The following SULF2 variants were observed in gnomAD, a reference collection of about 807,000 sequenced individuals.
SULF2 encodes extracellular sulfatase Sulf-2.
Under a neutral mutation model 107.7 loss-of-function variants are expected in SULF2, and 52 were observed. The observed-to-expected ratio is 0.48, with a 90% CI of 0.39 to 0.61. The LOEUF (loss-of-function observed/expected upper bound fraction) is 0.61, where lower values mean the gene tolerates loss of function less well. Ranked by LOEUF, SULF2 falls within the 20% of genes least tolerant of loss-of-function variation. The pLI, the probability that SULF2 is intolerant of heterozygous loss-of-function variation, is 0.00. For missense variants in SULF2, 993 were observed against 1,177.3 expected, an observed-to-expected ratio of 0.84 and a Z score of 2.29; for synonymous variants, 460 against 464.3, an observed-to-expected ratio of 0.99 and a Z score of 0.12.
At chr20:47,783,757 C>G (rs879432628) in intron 1 of SULF2, among the ~76,000 whole-genome samples, 2 of 152,154 alleles carry the variant, frequency 1.3e-5, no homozygotes, top group Admixed American at 1.3e-4. Flanking sequence ...AAGGAAGAGG[C>G]CTTCATGTAC....
intron 11 of SULF2, among the ~76,000 whole-genome samples, chr20:47,670,547 G>A (rs935071301): frequency 4.0e-5 from 6 of 148,752 alleles, no homozygotes; most frequent in Admixed American, 6.8e-5. Flanking sequence ...AACATTATGC[G>A]AAGAGAAATA....
intron 11 of SULF2, among the ~76,000 whole-genome samples, chr20:47,670,693 T>G (rs1602600486): frequency 3.0e-5 from 1 of 32,958 alleles, no homozygotes. Context: ...GAGAGCGGGG[T>G]GGGAGAACGG....
At chr20:47,677,344 G>C (rs2087678434) in intron 8 of SULF2, among the ~76,000 whole-genome samples, 1 of 152,002 alleles carries the variant, frequency 6.6e-6, no homozygotes, top group South Asian at 2.1e-4. Context: ...TGGGTCTGGA[G>C]ACACACACAG....
intron 4 of SULF2, among the ~76,000 whole-genome samples, chr20:47,696,891 T>G (rs1167718702): frequency 2.6e-5 from 4 of 152,194 alleles, no homozygotes; most frequent in Non-Finnish European, 5.9e-5. Flanking sequence ...ATTTCGTGTA[T>G]TGGTGGACTT....
In SULF2 at chr20:47,661,826, C is replaced by G. The variant is rs2087083986; in HGVS notation, c.2441G>C (p.Arg814Thr). 1 of 1,594,132 alleles carries G rather than the reference C, an allele frequency of 6.3e-7. No individual in the cohort carries two copies. The highest frequency in any genetic ancestry group is 8.6e-7 in the Non-Finnish European group (1 of 1,166,266). The stretch of plus-strand genomic sequence containing the variant: ...ACACTGCTTGTAACCCTTGCAGCTC[C>G]TCAGCTCCATGAGCTGTACGTGTAG... ...NQLHVQLMELRSCKGYKQCNP... is the reference protein window; with the variant it reads ...NQLHVQLMELTSCKGYKQCNP... Residue 814 changes from arginine (R) to threonine (T), a missense_variant, in exon 18 of 21, where the codon AGG becomes ACG. This residue lies in a region of SULF2 where 497 missense variants were observed against 544.1 expected (regional missense o/e 0.91). Transcript: ENST00000688720.
At chr20:47,682,796 C>T (rs1398361037) in intron 7 of SULF2, among the ~76,000 whole-genome samples, 198 bp downstream of exon 7, 2 of 152,202 alleles carry the variant, frequency 1.3e-5, no homozygotes, top group Non-Finnish European at 2.9e-5. Context: ...CCTGTTTCCA[C>T]AGGTGCTAAC....
intron 2 of SULF2, 130 bp from the exon 3 acceptor site, chr20:47,737,072 G>T: frequency 1.5e-6 from 2 of 1,370,192 alleles, no homozygotes; most frequent in Non-Finnish European, 2.0e-6. Flanking sequence ...GGCAGACGGG[G>T]CAGGGGCCAC....
At chr20:47,709,998 T>C (rs2088875417) in intron 3 of SULF2, among the ~76,000 whole-genome samples, 1 of 150,782 alleles carries the variant, frequency 6.6e-6, no homozygotes, top group Non-Finnish European at 1.5e-5. Context: ...GCCTCCTGAG[T>C]TCAAGCGATT....
chr20:47,665,976 T>G, intron 12 of SULF2, 23 bp from the exon 13 acceptor site: 1 of 1,611,774 alleles, frequency 6.2e-7, no homozygotes, highest in Non-Finnish European at 8.5e-7. Flanking sequence ...AGGGATCACG[T>G]GTGGCTCGGA....
chr20:47,777,324 T>C (rs882330), intron 1 of SULF2, among the ~76,000 whole-genome samples: 19,749 of 152,080 alleles, frequency 0.13, 1,408 homozygotes, highest in East Asian at 0.18. Flanking sequence ...GGTGGGAGTG[T>C]TCTGGCAAGG....
chr20:47,740,432 G>C (rs2089850301), intron 2 of SULF2, among the ~76,000 whole-genome samples: 1 of 152,180 alleles, frequency 6.6e-6, no homozygotes, highest in South Asian at 2.1e-4. Context: ...ACCCAGAAGG[G>C]GGTCCTCTAG....
At chr20:47,695,548 G>A (rs972202939) in intron 4 of SULF2, among the ~76,000 whole-genome samples, 7 of 152,174 alleles carry the variant, frequency 4.6e-5, no homozygotes, top group African/African-American at 1.4e-4. Flanking sequence ...GTCCTTCTGT[G>A]TCTGGTTTAT....
chr20:47,738,435 G>A (rs2089798972), intron 2 of SULF2, among the ~76,000 whole-genome samples: 1 of 152,170 alleles, frequency 6.6e-6, no homozygotes, highest in South Asian at 2.1e-4. Flanking sequence ...CTAAAGATAA[G>A]ACCATGTCCT....
chr20:47,733,997 C>T (rs2089674614), intron 3 of SULF2, among the ~76,000 whole-genome samples: 1 of 152,148 alleles, frequency 6.6e-6, no homozygotes, highest in South Asian at 2.1e-4. Flanking sequence ...GTTAGGGTGG[C>T]CTAGACTTCA....
chr20:47,659,594 G>T, intron 19 of SULF2, 103 bp downstream of exon 19: 1 of 1,355,504 alleles, frequency 7.4e-7, no homozygotes, highest in Non-Finnish European at 1.1e-6. Flanking sequence ...CCAGAGGGAA[G>T]GGCAGTTTCT....
Position 47,752,440 on chromosome 20 carries a change from T to A in SULF2, c.175+4749A>T, listed in dbSNP as rs561135513. ...CTCGGAGTATTTTCATTTAAAGATG[T>A]TCTGATAGGCTGGGTGCAGCGGCTC... On this transcript the variant is annotated intron_variant, in intron 2 of 20. Transcript: ENST00000688720. Among the ~76,000 whole-genome samples, 228 of 152,220 alleles carry A rather than the reference T, an allele frequency of 1.5e-3. 3 individuals carry two copies. Among genetic ancestry groups the A allele is most frequent in the East Asian group, 5.6e-3 (29 of 5,176 alleles).
intron 16 of SULF2, 37 bp downstream of exon 16, chr20:47,663,416 G>A: frequency 6.2e-7 from 1 of 1,603,310 alleles, no homozygotes; most frequent in Non-Finnish European, 8.5e-7. Flanking sequence ...GAACCCCTGG[G>A]CCTCAGCCTG....
intron 2 of SULF2, among the ~76,000 whole-genome samples, chr20:47,742,172 C>T (rs1267869645): frequency 6.6e-6 from 1 of 152,236 alleles, no homozygotes; most frequent in African/African-American, 2.4e-5. Context: ...AGCGACGAGG[C>T]TGTGTAAACC....
chr20:47,750,650 T>C (rs1449516625), intron 2 of SULF2, among the ~76,000 whole-genome samples: 1 of 152,222 alleles, frequency 6.6e-6, no homozygotes, highest in Non-Finnish European at 1.5e-5. Context: ...CTGCTCAATG[T>C]CCTCTATTGG....
Sources: gnomAD v4.1 joint callset for allele counts (sites outside exome capture counted in the v4.1 genomes callset) on GRCh38, gnomAD v4.1.1 for gene constraint, gnomAD v4.1.1 regional missense constraint, MANE v1.5 for transcripts, NCBI Gene and HGNC (gene_info 2026-07-23, HGNC 2026-07-21) for gene names.